GLP1R: variants seen among roughly 807,000 people sequenced by gnomAD.
GLP1R encodes glucagon like peptide 1 receptor.
GLP1R carries 32 observed loss-of-function variants against 68.4 expected under a neutral mutation model. The ratio of observed to expected loss-of-function variants is 0.47; its 90% CI spans 0.35 to 0.63. The LOEUF (loss-of-function observed/expected upper bound fraction) is 0.63. Ranked by LOEUF, GLP1R falls within the 20% of genes least tolerant of loss-of-function variation. GLP1R has a pLI of 0.00. For missense variants in GLP1R, 502 were observed against 594.9 expected (o/e 0.84, Z 1.62); for synonymous variants, 263 against 244.4 (o/e 1.08, Z -0.71).
chr6:39,067,561 C>G (rs1243451729), intron 5 of GLP1R, among the ~76,000 whole-genome samples: 2 of 152,196 alleles, frequency 1.3e-5, no homozygotes, highest in Non-Finnish European at 2.9e-5. Context: ...CCTTCATCAA[C>G]CTTATCACCT....
Position 39,087,622 on chromosome 6 carries a change from G to A in GLP1R, c.*1549G>A, listed in dbSNP as rs200515960. The A allele has an allele frequency of 6.6e-6, 1 of 152,214 alleles. No individual in the cohort carries two copies. Among genetic ancestry groups the A allele is most frequent in the Non-Finnish European group, 1.5e-5 (1 of 68,054 alleles). The allele number at this position is 152,214 out of a possible 1,614,324, so 9.4% of individuals were successfully genotyped here. ...TCAGTCTCTCTCTCCCTTTTAAATG[G>A]TGGGAACCCTCCCCAAAACCTTTCC... On this transcript the variant is annotated 3_prime_UTR_variant, in exon 13 of 13. Transcript: ENST00000373256.
intron 7 of GLP1R, among the ~76,000 whole-genome samples, chr6:39,077,948 C>T (rs1008403945): frequency 3.3e-5 from 5 of 152,202 alleles, no homozygotes; most frequent in Admixed American, 1.3e-4. Flanking sequence ...TCAGAGGGTT[C>T]GCCTGCTCCT....
In GLP1R at chr6:39,086,200, C is replaced by CAT. The variant is rs1170729233; in HGVS notation, c.*128_*129insTA. On this transcript the variant is annotated 3_prime_UTR_variant, in exon 13 of 13. Transcript: ENST00000373256. This position sits in a 1 kb window ranked among gnomAD's most constrained non-coding sequence, Gnocchi z 4.5. ...ACACACACACACACACACACACACA[C>CAT]ACACATACATCCTGCTTTCCCTCCC... 2 of 513,834 alleles carry CAT rather than the reference C, an allele frequency of 3.9e-6. No homozygotes were observed. Among genetic ancestry groups the CAT allele is most frequent in the Non-Finnish European group, 6.2e-6 (2 of 323,564 alleles). The allele number at this position is 513,834 out of a possible 1,614,324, so 31.8% of individuals were successfully genotyped here.
intron 4 of GLP1R, 116 bp from the exon 5 acceptor site, chr6:39,066,081 A>G: frequency 1.6e-6 from 1 of 636,664 alleles, no homozygotes; most frequent in Non-Finnish European, 2.8e-6. Flanking sequence ...TGGTCTTGGT[A>G]TCCCCGGTGA....
chr6:39,089,267 T>C lies in GLP1R; in HGVS notation c.*3194T>C, dbSNP rs952925585. 1.3e-5 allele frequency among the ~76,000 whole-genome samples: 2 copies of C among 152,250 alleles called. No individual in the cohort carries two copies. Among genetic ancestry groups the C allele is most frequent in the African/African-American group, 2.4e-5 (1 of 41,468 alleles). ...TTTGGATGGCAATTCCAGCACTCTT[T>C]TAATGGATTGGCTTAATTTTTTTTT... On this transcript the variant is annotated 3_prime_UTR_variant, in exon 13 of 13. Coordinates refer to ENST00000373256, the MANE Select transcript of GLP1R (RefSeq NM_002062.5). The surrounding 1 kb of genome is among the most constrained non-coding windows in gnomAD (Gnocchi z 4.1).
chr6:39,083,170 C>T (rs1027558458), intron 12 of GLP1R, among the ~76,000 whole-genome samples: 3 of 152,232 alleles, frequency 2.0e-5, no homozygotes, highest in African/African-American at 7.2e-5. Flanking sequence ...CCCCGTGGAT[C>T]TTCCAGGCTA....
intron 2 of GLP1R, among the ~76,000 whole-genome samples, chr6:39,057,164 G>A (rs954070461): frequency 4.6e-5 from 7 of 152,142 alleles, no homozygotes; most frequent in East Asian, 1.9e-4. Context: ...CATTGAGCAC[G>A]TACTATGTTC....
chr6:39,084,814 G>T (rs1430414800), intron 12 of GLP1R, among the ~76,000 whole-genome samples: 1 of 152,202 alleles, frequency 6.6e-6, no homozygotes, highest in African/African-American at 2.4e-5. Context: ...CAGGCGTCTT[G>T]CTGGGCATAG....
intron 1 of GLP1R, among the ~76,000 whole-genome samples, chr6:39,053,669 T>G (rs1222707267): frequency 3.9e-5 from 6 of 152,172 alleles, no homozygotes. Flanking sequence ...TTTGCACAAG[T>G]GTAAGCTGAG....
At chr6:39,057,709 G>A in intron 3 of GLP1R, 130 bp downstream of exon 3, 1 of 637,588 alleles carries the variant, frequency 1.6e-6, no homozygotes, top group Non-Finnish European at 2.8e-6. Context: ...TGGGCCAGCA[G>A]TGGTGAGCCC....
Position 39,079,313 on chromosome 6 carries a change from C to A in GLP1R, c.1043+113C>A. The A allele has an allele frequency of 1.1e-6, 1 of 887,318 alleles. No individual in the cohort carries two copies. The highest frequency in any genetic ancestry group is 1.8e-6 in the Non-Finnish European group (1 of 541,964). The allele number at this position is 887,318 out of a possible 1,614,324, so 55.0% of individuals were successfully genotyped here. ...TTAGCTTAGAGCCCTACACTACCCT[C>A]TCCTTCCACCCAGGCCTGGCCTTGG... On this transcript the variant is annotated intron_variant, in intron 10 of 12. Coordinates refer to ENST00000373256, the MANE Select transcript of GLP1R (RefSeq NM_002062.5). This position sits in a 1 kb window ranked among gnomAD's most constrained non-coding sequence, Gnocchi z 4.5.
intron 5 of GLP1R, among the ~76,000 whole-genome samples, chr6:39,069,011 T>C (rs1221249644): frequency 6.6e-6 from 1 of 152,248 alleles, no homozygotes; most frequent in African/African-American, 2.4e-5. Flanking sequence ...CCTTCTCTTT[T>C]GATTATAAAT....
chr6:39,063,542 C>T (rs1768407144), intron 3 of GLP1R, among the ~76,000 whole-genome samples: 1 of 152,150 alleles, frequency 6.6e-6, no homozygotes, highest in Admixed American at 6.5e-5. Flanking sequence ...TTTTAAAATG[C>T]AGGTTCTTCC....
In GLP1R at chr6:39,049,758, C is replaced by T. The variant is rs1270061130; in HGVS notation, c.78+840C>T. ...ACCACCGCAGCCCCTCTCTCTTGCC[C>T]TTGTTGCTTTTCCTGCCCTGGGATC... On this transcript the variant is annotated intron_variant, in intron 1 of 12. Transcript: ENST00000373256. This position sits in a 1 kb window ranked among gnomAD's most constrained non-coding sequence, Gnocchi z 4.5. Among the ~76,000 whole-genome samples the T allele has an allele frequency of 6.6e-6, 1 of 152,192 alleles. No homozygotes were observed. The highest frequency in any genetic ancestry group is 2.4e-5 in the African/African-American group (1 of 41,432).
Position 39,086,163 on chromosome 6 carries a change from A to T in GLP1R, c.*90A>T. 1 of 763,696 alleles carries T rather than the reference A, an allele frequency of 1.3e-6. No individual in the cohort carries two copies. The highest frequency in any genetic ancestry group is 2.1e-6 in the Non-Finnish European group (1 of 467,972). The allele number at this position is 763,696 out of a possible 1,614,324, so 47.3% of individuals were successfully genotyped here. A position where few individuals can be genotyped will look rare whatever the true frequency, so the allele number is the denominator to read the frequency against. On this transcript the variant is annotated 3_prime_UTR_variant, in exon 13 of 13. Coordinates refer to ENST00000373256, the MANE Select transcript of GLP1R (RefSeq NM_002062.5). The surrounding 1 kb of genome is among the most constrained non-coding windows in gnomAD (Gnocchi z 4.5). ...GACACTCCCAGGGACAAGGGAAGGA[A>T]GGGACACACACACACACACACACAC...
Position 39,089,792 on chromosome 6 carries a change from C to T in GLP1R, c.*3719C>T, listed in dbSNP as rs897310088. 6.6e-6 allele frequency among the ~76,000 whole-genome samples: 1 copy of T among 152,160 alleles called. No homozygotes were observed. The highest frequency in any genetic ancestry group is 1.5e-5 in the Non-Finnish European group (1 of 68,036). ...TTCCTCTCCATGCGCAGACAGGGCTCCCATTATTTGCTAATGCCTGCGACG... is the reference window on the plus strand; with the variant it reads ...TTCCTCTCCATGCGCAGACAGGGCTTCCATTATTTGCTAATGCCTGCGACG... On this transcript the variant is annotated 3_prime_UTR_variant, in exon 13 of 13. Coordinates refer to ENST00000373256, the MANE Select transcript of GLP1R (RefSeq NM_002062.5). The surrounding 1 kb of genome is among the most constrained non-coding windows in gnomAD (Gnocchi z 4.1).
chr6:39,086,149 G>T lies in GLP1R; in HGVS notation c.*76G>T, dbSNP rs1464039583. On this transcript the variant is annotated 3_prime_UTR_variant, in exon 13 of 13. Transcript: ENST00000373256. The surrounding 1 kb of genome is among the most constrained non-coding windows in gnomAD (Gnocchi z 4.5). ...ATCCAGGTGGGAGAGACACTCCCAGGGACAAGGGAAGGAAGGGACACACAC... is the reference window on the plus strand; with the variant it reads ...ATCCAGGTGGGAGAGACACTCCCAGTGACAAGGGAAGGAAGGGACACACAC... 3.5e-5 allele frequency: 33 copies of T among 951,980 alleles called. No individual in the cohort carries two copies. The highest frequency in any genetic ancestry group is 3.3e-4 in the Middle Eastern group (1 of 3,004). 59.0% of individuals were successfully genotyped at this position (951,980 alleles called of 1,614,324 possible). A position where few individuals can be genotyped will look rare whatever the true frequency, so the allele number is the denominator to read the frequency against.
chr6:39,068,938 G>T (rs1768588744), intron 5 of GLP1R, among the ~76,000 whole-genome samples: 1 of 152,196 alleles, frequency 6.6e-6, no homozygotes, highest in Non-Finnish European at 1.5e-5. Flanking sequence ...ATTGTCTCCT[G>T]AACATGCTTT....
intron 5 of GLP1R, among the ~76,000 whole-genome samples, chr6:39,067,108 C>T (rs562954821): frequency 6.6e-6 from 1 of 152,340 alleles, no homozygotes; most frequent in Non-Finnish European, 1.5e-5. Flanking sequence ...TTACACTTCT[C>T]TGGGTAACCC....
Sources: allele counts gnomAD v4.1 joint callset (sites outside exome capture counted in the v4.1 genomes callset), GRCh38; gene constraint gnomAD v4.1.1; non-coding constraint Gnocchi (gnomAD v3.1); transcripts MANE v1.5; gene names NCBI Gene and HGNC (gene_info 2026-07-23, HGNC 2026-07-21).